HHAT: variants seen among roughly 807,000 people sequenced by gnomAD.
The protein encoded by HHAT is hedgehog acyltransferase.
A neutral mutation model predicts 70.8 loss-of-function variants in HHAT; 47 were observed. The ratio of observed to expected loss-of-function variants is 0.66; its 90% CI spans 0.53 to 0.85. HHAT has a LOEUF of 0.85. Ranked by LOEUF, HHAT falls within the 40% of genes least tolerant of loss-of-function variation. HHAT has a pLI of 0.00. For synonymous variants in HHAT, 228 were observed against 247.6 expected, an observed-to-expected ratio of 0.92 and a Z score of 0.74; for missense variants, 609 against 604.8, an observed-to-expected ratio of 1.01 and a Z score of -0.07.
At position 210,662,263 on chromosome 1, in the gene HHAT, G is replaced by A. The variant is rs144740781; in HGVS notation, c.1391-12025G>A. 4.9e-4 allele frequency among the ~76,000 whole-genome samples: 75 copies of A among 152,104 alleles called. 1 individual carries two copies. The East Asian group carries it at 0.013, about 26-fold the overall frequency. On this transcript the variant is annotated intron_variant, in intron 11 of 11. Transcript: ENST00000261458. ...TTCACATAAGGCCTCAAATGAAGAC[G>A]CAGACTGCCTATGGCAAGAATCCAG... is the stretch of plus-strand genomic sequence containing the variant.
At chr1:210,547,787 C>T (rs1368216202) in intron 9 of HHAT, among the ~76,000 whole-genome samples, 1 of 152,196 alleles carries the variant, frequency 6.6e-6, no homozygotes, top group African/African-American at 2.4e-5. Flanking sequence ...CCTCCTGTGA[C>T]TCCAGAACCT....
At chr1:210,394,102 C>T (rs1284897604) in intron 4 of HHAT, among the ~76,000 whole-genome samples, 1 of 152,128 alleles carries the variant, frequency 6.6e-6, no homozygotes, top group East Asian at 1.9e-4. Flanking sequence ...GCTGTTGTAG[C>T]CTTAAGCCCT....
chr1:210,381,854 G>A (rs1402045975), intron 3 of HHAT, among the ~76,000 whole-genome samples: 2 of 152,158 alleles, frequency 1.3e-5, no homozygotes, highest in African/African-American at 4.8e-5. Flanking sequence ...TGGCTACAGG[G>A]TGAATTTCTC....
intron 2 of HHAT, among the ~76,000 whole-genome samples, chr1:210,358,284 C>T (rs900659972): frequency 1.3e-5 from 2 of 152,244 alleles, no homozygotes; most frequent in Admixed American, 6.5e-5. Context: ...GCAAATTAAG[C>T]ACCTGGTGGT....
At chr1:210,575,387 G>C (rs1444032225) in intron 9 of HHAT, among the ~76,000 whole-genome samples, 1 of 152,136 alleles carries the variant, frequency 6.6e-6, no homozygotes, top group Non-Finnish European at 1.5e-5. Flanking sequence ...TTAGCAATTA[G>C]ACTCAGCTCT....
intron 7 of HHAT, among the ~76,000 whole-genome samples, chr1:210,455,451 T>C (rs779951249): frequency 9.2e-5 from 14 of 152,214 alleles, no homozygotes; most frequent in Non-Finnish European, 1.8e-4. Context: ...TTTGTTTCTT[T>C]GTTTCCTGCT....
chr1:210,428,822 CA>C (rs2093156612), intron 7 of HHAT, among the ~76,000 whole-genome samples: 1 of 151,454 alleles, frequency 6.6e-6, no homozygotes, highest in Non-Finnish European at 1.5e-5. Flanking sequence ...ACAGAAAATA[CA>C]AAAATTAGCC....
chr1:210,648,285 T>G (rs2148928062), intron 11 of HHAT, among the ~76,000 whole-genome samples: 1 of 152,302 alleles, frequency 6.6e-6, no homozygotes, highest in African/African-American at 2.4e-5. Flanking sequence ...TGAGCCAATT[T>G]TGCATGGAGA....
chr1:210,496,351 T>C (rs960398910), intron 8 of HHAT, among the ~76,000 whole-genome samples: 10 of 152,142 alleles, frequency 6.6e-5, no homozygotes, highest in African/African-American at 2.2e-4. Context: ...ACACATGACC[T>C]AAGACAGAAC....
chr1:210,602,327 C>G, intron 10 of HHAT, among the ~76,000 whole-genome samples: 1 of 151,950 alleles, frequency 6.6e-6, no homozygotes, highest in Non-Finnish European at 1.5e-5. Context: ...GCACAGAGGC[C>G]CCTGATGTTC....
At chr1:210,340,568 A>T (rs1262753159) in intron 1 of HHAT, among the ~76,000 whole-genome samples, 1 of 152,156 alleles carries the variant, frequency 6.6e-6, no homozygotes, top group Non-Finnish European at 1.5e-5. Context: ...TTTTACTCTT[A>T]TCTCTGCATA....
intron 11 of HHAT, among the ~76,000 whole-genome samples, chr1:210,669,304 T>G (rs1679608564): frequency 6.6e-6 from 1 of 152,236 alleles, no homozygotes; most frequent in South Asian, 2.1e-4. Flanking sequence ...ATTAACCAAG[T>G]TATTACTTGG....
intron 9 of HHAT, among the ~76,000 whole-genome samples, chr1:210,513,936 G>C (rs1477180555): frequency 1.3e-5 from 2 of 152,232 alleles, no homozygotes; most frequent in Non-Finnish European, 2.9e-5. Context: ...ATTATGTAGA[G>C]CGATTTGCTT....
intron 3 of HHAT, among the ~76,000 whole-genome samples, chr1:210,368,854 G>A (rs948912456): frequency 6.6e-6 from 1 of 152,060 alleles, no homozygotes; most frequent in African/African-American, 2.4e-5. Flanking sequence ...GAGGTGGGCG[G>A]ATCACCTGAG....
At chr1:210,446,182 T>G (rs1209418176) in intron 7 of HHAT, among the ~76,000 whole-genome samples, 1 of 152,118 alleles carries the variant, frequency 6.6e-6, no homozygotes, top group African/African-American at 2.4e-5. Flanking sequence ...GGAACTGAGC[T>G]TTCCCAAAAG....
rs1441421572 is a variant in HHAT, at chr1:210,675,404, G to A, written c.*1025G>A. 6.6e-6 allele frequency: 1 copy of A among 151,798 alleles called. No homozygotes were observed. The highest frequency in any genetic ancestry group is 1.5e-5 in the Non-Finnish European group (1 of 68,004). The allele number at this position is 151,798 out of a possible 1,614,324, so 9.4% of individuals were successfully genotyped here. On this transcript the variant is annotated 3_prime_UTR_variant, in exon 12 of 12. Transcript: ENST00000261458. ...TGATTATTCACTCCTCTGAAAAGAT[G>A]CTGGATAGGCTACCAAAGTTCCCAA...
chr1:210,502,974 T>A (rs923302649), intron 8 of HHAT, among the ~76,000 whole-genome samples: 17 of 60,984 alleles, frequency 2.8e-4, no homozygotes, highest in African/African-American at 7.0e-4. Flanking sequence ...CTGAAGATAT[T>A]TTTTTTTTTT....
chr1:210,401,364 T>G (rs985387604), intron 5 of HHAT, among the ~76,000 whole-genome samples: 1 of 152,230 alleles, frequency 6.6e-6, no homozygotes, highest in African/African-American at 2.4e-5. Context: ...TCTGCCCACC[T>G]TGGCCTCCCC....
At chr1:210,371,381 C>G (rs1219138943) in intron 3 of HHAT, among the ~76,000 whole-genome samples, 1 of 151,850 alleles carries the variant, frequency 6.6e-6, no homozygotes, top group Non-Finnish European at 1.5e-5. Flanking sequence ...AACTCCTGTC[C>G]TCAAGTGATC....
Sources: allele counts gnomAD v4.1 joint callset (sites outside exome capture counted in the v4.1 genomes callset), GRCh38; gene constraint gnomAD v4.1.1; transcripts MANE v1.5; gene names NCBI Gene and HGNC (gene_info 2026-07-23, HGNC 2026-07-21).